Variants in FEZ1 observed in about 807,000 individuals in gnomAD.
The protein encoded by FEZ1 is fasciculation and elongation protein zeta-1.
A neutral mutation model predicts 49.3 loss-of-function variants in FEZ1; 20 were observed. The observed-to-expected ratio is 0.41, with a 90% CI of 0.29 to 0.59. The LOEUF (loss-of-function observed/expected upper bound fraction) is 0.59, where lower values mean the gene tolerates loss of function less well. Among genes scored for constraint, FEZ1 ranks in the 20% least tolerant of loss-of-function variants. The pLI is 0.36. For synonymous variants in FEZ1, 170 were observed against 180.9 expected (o/e 0.94, Z 0.48); for missense variants, 413 against 476.0 (o/e 0.87, Z 1.23).
At chr11:125,485,223 C>T (rs1199889813) in intron 2 of FEZ1, among the ~76,000 whole-genome samples, 4 of 152,114 alleles carry the variant, frequency 2.6e-5, no homozygotes, top group Non-Finnish European at 4.4e-5. Context: ...ACAGAAAAGG[C>T]TTTTTCAGGT....
At position 125,495,376 on chromosome 11, in the gene FEZ1, G is replaced by A. The variant is rs952905758; in HGVS notation, c.-46+745C>T. Reference sequence around the variant, plus strand: ...GGGATAGGCAAAAGGGAAGAAGAGCGGGCTGTGATACCTCCTCGACGCCGT... The same window carrying A: ...GGGATAGGCAAAAGGGAAGAAGAGCAGGCTGTGATACCTCCTCGACGCCGT... On this transcript the variant is annotated intron_variant, in intron 1 of 9. Coordinates refer to ENST00000278919, the MANE Select transcript of FEZ1 (RefSeq NM_005103.5). This position sits in a 1 kb window ranked among gnomAD's most constrained non-coding sequence, Gnocchi z 4.2. 1 of 470,448 alleles carries A rather than the reference G, an allele frequency of 2.1e-6. No homozygotes were observed. The highest frequency in any genetic ancestry group is 2.0e-5 in the African/African-American group (1 of 50,058). The allele number at this position is 470,448 out of a possible 1,614,324, so 29.1% of individuals were successfully genotyped here.
chr11:125,488,651 G>A, intron 2 of FEZ1: 1 of 928,188 alleles, frequency 1.1e-6, no homozygotes, highest in Non-Finnish European at 1.3e-6. Flanking sequence ...TTGCACTCCA[G>A]CCTGGGCGAT....
At chr11:125,453,225 G>GGGATT (rs1169320923) in intron 7 of FEZ1, 1 of 152,212 alleles carries the variant, frequency 6.6e-6, no homozygotes, top group Non-Finnish European at 1.5e-5. Flanking sequence ...CCAAAGTGCT[G>GGGATT]GGATTACAGG....
intron 5 of FEZ1, 41 bp downstream of exon 5, chr11:125,460,457 G>T: frequency 1.9e-6 from 3 of 1,590,422 alleles, no homozygotes; most frequent in Non-Finnish European, 1.7e-6. Context: ...GCCCCGAGCA[G>T]GTGCTTCCTC....
At chr11:125,491,608 C>T (rs1280860894) in intron 1 of FEZ1, among the ~76,000 whole-genome samples, 4 of 152,100 alleles carry the variant, frequency 2.6e-5, no homozygotes, top group Non-Finnish European at 4.4e-5. Flanking sequence ...AAATTGGAGG[C>T]GCTTCCTGAG....
In FEZ1 at chr11:125,482,974, T is replaced by TAAA. The variant is rs56169482; in HGVS notation, c.312-1344_312-1342dup. On this transcript the variant is annotated intron_variant, in intron 2 of 9. Coordinates refer to ENST00000278919, the MANE Select transcript of FEZ1 (RefSeq NM_005103.5). ...GCCTGGGTGACAGAACAAGACACTG[T>TAAA]AAAAAAAAAAAAAAAAAAAAAAAAA... 1.6e-3 allele frequency among the ~76,000 whole-genome samples: 46 copies of TAAA among 28,756 alleles called. 1 individual carries two copies. The highest frequency in any genetic ancestry group is 2.6e-3 in the African/African-American group (19 of 7,406). 18.9% of individuals were successfully genotyped at this position (28,756 alleles called of 152,430 possible). A position where few individuals can be genotyped will look rare whatever the true frequency, so the allele number is the denominator to read the frequency against.
chr11:125,465,713 G>C (rs1449123228), intron 3 of FEZ1, among the ~76,000 whole-genome samples: 1 of 150,518 alleles, frequency 6.6e-6, no homozygotes, highest in Non-Finnish European at 1.5e-5. Flanking sequence ...TCTATGTGCG[G>C]GTTACCCCCT....
intron 2 of FEZ1, among the ~76,000 whole-genome samples, chr11:125,488,187 GAGAA>G (rs1591602419): frequency 2.6e-5 from 4 of 152,280 alleles, no homozygotes; most frequent in Middle Eastern, 3.4e-3. Flanking sequence ...GAAAGAGAGA[GAGAA>G]AGAGAGACCA....
chr11:125,489,646 G>A lies in FEZ1; in HGVS notation c.132C>T (p.Ser44=), dbSNP rs558361561. Reference sequence around the variant, plus strand: ...TTTCGGAAGAAAAATTCTCAAGCTCGGAGAGGGAGGGGTCCTCGAGATGGT... The same window carrying A: ...TTTCGGAAGAAAAATTCTCAAGCTCAGAGAGGGAGGGGTCCTCGAGATGGT... The part of the protein sequence containing the change: ...SPHHLEDPSL[S]ELENFSSEII... Residue 44 remains serine, a synonymous_variant, in exon 2 of 10, where the codon TCC becomes TCT. Transcript: ENST00000278919. This position sits in a 1 kb window ranked among gnomAD's most constrained non-coding sequence, Gnocchi z 4.2. 3.7e-5 allele frequency: 59 copies of A among 1,614,058 alleles called. No individual in the cohort carries two copies. In the South Asian group the frequency reaches 3.8e-4, roughly 11 times the overall value.
At chr11:125,455,030 A>T (rs1305771217) in intron 6 of FEZ1, among the ~76,000 whole-genome samples, 5 of 150,374 alleles carry the variant, frequency 3.3e-5, no homozygotes, top group Admixed American at 2.7e-4. Flanking sequence ...AAAAAAAAAA[A>T]GAAAAAAAAA....
At chr11:125,459,041 G>A (rs1017564630) in intron 5 of FEZ1, among the ~76,000 whole-genome samples, 3 of 152,044 alleles carry the variant, frequency 2.0e-5, no homozygotes, top group Non-Finnish European at 4.4e-5. Flanking sequence ...ACTCCAGCCT[G>A]GGCAACAGAG....
chr11:125,476,648 A>G (rs1306362265), intron 3 of FEZ1, among the ~76,000 whole-genome samples: 2 of 152,300 alleles, frequency 1.3e-5, no homozygotes, highest in Admixed American at 6.5e-5. Flanking sequence ...CAAAAAAGTC[A>G]TATAATAAAG....
Position 125,445,844 on chromosome 11 carries a change from C to T in FEZ1, c.*251G>A, listed in dbSNP as rs575176579. The T allele has an allele frequency of 2.8e-5, 15 of 538,176 alleles. No individual in the cohort carries two copies. The highest frequency in any genetic ancestry group is 1.5e-4 in the South Asian group (8 of 53,612). The allele number at this position is 538,176 out of a possible 1,614,324, so 33.3% of individuals were successfully genotyped here. On this transcript the variant is annotated 3_prime_UTR_variant, in exon 10 of 10. Transcript: ENST00000278919. The surrounding 1 kb of genome is among the most constrained non-coding windows in gnomAD (Gnocchi z 4.4). ...CAGACTACATAATGAGCGGTGAAAGCGGCTGCCTTCCCCTCTCCTGACACC... is the reference window on the plus strand; with the variant it reads ...CAGACTACATAATGAGCGGTGAAAGTGGCTGCCTTCCCCTCTCCTGACACC...
intron 2 of FEZ1, among the ~76,000 whole-genome samples, chr11:125,486,199 A>G (rs1401026019): frequency 6.6e-6 from 1 of 152,178 alleles, no homozygotes; most frequent in Non-Finnish European, 1.5e-5. Flanking sequence ...AACATCACCT[A>G]TAACAATTCT....
intron 8 of FEZ1, 34 bp from the exon 9 acceptor site, chr11:125,448,601 C>T: frequency 6.9e-7 from 1 of 1,440,458 alleles, no homozygotes; most frequent in South Asian, 1.1e-5. Flanking sequence ...AACTAAGATA[C>T]CATCTGGTCA....
At chr11:125,469,179 A>T (rs1957161488) in intron 3 of FEZ1, 1 of 152,312 alleles carries the variant, frequency 6.6e-6, no homozygotes, top group African/African-American at 2.4e-5. Context: ...GCCAACTGTC[A>T]AGATCTCCGA....
At position 125,444,508 on chromosome 11, in the gene FEZ1, G is replaced by A. The variant is rs573851123; in HGVS notation, c.*1587C>T. 5.3e-4 allele frequency among the ~76,000 whole-genome samples: 81 copies of A among 152,176 alleles called. No homozygotes were observed. The highest frequency in any genetic ancestry group is 1.7e-3 in the African/African-American group (72 of 41,528). On this transcript the variant is annotated 3_prime_UTR_variant, in exon 10 of 10. Transcript: ENST00000278919. ...GCTGAGGCAGGAGAATCACTTGAAC[G>A]TGGGAGGCGGAGTTTGCGGCGAGCT... is the stretch of plus-strand genomic sequence containing the variant.
rs1454991762 is a variant in FEZ1 at position 125,463,527 on chromosome 11, T to C, written c.455A>G (p.Asn152Ser). The C allele has an allele frequency of 6.2e-7, 1 of 1,611,396 alleles. No individual in the cohort carries two copies. The highest frequency in any genetic ancestry group is 8.5e-7 in the Non-Finnish European group (1 of 1,177,708). The change falls in exon 4 of 10, where the codon AAT becomes AGT. Residue 152 changes from asparagine (N) to serine (S), a missense_variant. Asn to Ser is a conservative substitution (Grantham distance 46). Coordinates refer to ENST00000278919, the MANE Select transcript of FEZ1 (RefSeq NM_005103.5). ...EEEEFNEKSENDSGINEEPLL... is the reference protein window; with the variant it reads ...EEEEFNEKSESDSGINEEPLL... ...AGGCTCCTCGTTGATACCGGAATCA[T>C]TTTCACTCTTCTCATTGAACTCTTC...
intron 5 of FEZ1, among the ~76,000 whole-genome samples, chr11:125,459,408 G>A (rs759045217): frequency 5.9e-5 from 9 of 151,678 alleles, no homozygotes; most frequent in Non-Finnish European, 8.8e-5. Context: ...CCTGGCCAAC[G>A]TGGAGAAACC....
Sources: gnomAD v4.1 joint callset for allele counts (sites outside exome capture counted in the v4.1 genomes callset) on GRCh38, gnomAD v4.1.1 for gene constraint, Gnocchi (gnomAD v3.1) non-coding constraint, MANE v1.5 for transcripts, NCBI Gene and HGNC (gene_info 2026-07-23, HGNC 2026-07-21) for gene names.